Variants in ZNF430 observed in about 807,000 individuals in gnomAD.
ZNF430 encodes the protein zinc finger protein 430.
In ZNF430, 35 loss-of-function variants were observed where a neutral mutation model predicts 56.7. The ratio of observed to expected loss-of-function variants is 0.62; its 90% CI spans 0.47 to 0.82. The LOEUF is 0.82. ZNF430 is among the 40% of genes least tolerant of loss of function. ZNF430 has a pLI of 0.00. For synonymous variants in ZNF430, 212 were observed against 224.3 expected (o/e 0.94, Z 0.49); for missense variants, 574 against 661.0 (o/e 0.87, Z 1.44).
At chr19:21,023,424 T>G (rs896729865) in intron 2 of ZNF430, among the ~76,000 whole-genome samples, 30 of 152,206 alleles carry the variant, frequency 2.0e-4, no homozygotes, top group Admixed American at 2.0e-3. Context: ...TAGGAAAATA[T>G]TTACCAAAGG....
Position 21,028,633 on chromosome 19 carries a change from T to C in ZNF430, c.97-4823T>C, listed in dbSNP as rs574858299. The stretch of plus-strand genomic sequence containing the variant: ...GGCTGACAAGAGTGGTTAATTCTGC[T>C]TCTGGCTTGGTGTAAGAGAAATGAG... On this transcript the variant is annotated intron_variant, in intron 2 of 4. Coordinates refer to ENST00000261560, the MANE Select transcript of ZNF430 (RefSeq NM_025189.4). 5.3e-5 allele frequency among the ~76,000 whole-genome samples: 8 copies of C among 152,338 alleles called. No individual in the cohort carries two copies. The East Asian group carries it at 1.2e-3, about 22-fold the overall frequency.
At chr19:21,030,496 T>C (rs1332056820) in intron 2 of ZNF430, among the ~76,000 whole-genome samples, 2 of 135,064 alleles carry the variant, frequency 1.5e-5, no homozygotes, top group African/African-American at 5.3e-5. Context: ...TATGTGTACA[T>C]GTTATTTTCC....
intron 1 of ZNF430, among the ~76,000 whole-genome samples, chr19:21,021,410 A>G (rs532481875): frequency 1.3e-5 from 2 of 152,012 alleles, no homozygotes; most frequent in Non-Finnish European, 2.9e-5. Flanking sequence ...GAGGCAGGAG[A>G]ATCACTTGAA....
chr19:21,051,236 G>C (rs1968278314), intron 4 of ZNF430, among the ~76,000 whole-genome samples: 1 of 151,588 alleles, frequency 6.6e-6, no homozygotes, highest in Non-Finnish European at 1.5e-5. Context: ...GTCTCTTTTT[G>C]TGGCTGGCTC....
At position 21,057,680 on chromosome 19, in the gene ZNF430, A is replaced by C. The variant is rs1186681613; in HGVS notation, c.1372A>C (p.Lys458Gln). The C allele has an allele frequency of 6.2e-7, 1 of 1,611,360 alleles. No homozygotes were observed. The highest frequency in any genetic ancestry group is 8.5e-7 in the Non-Finnish European group (1 of 1,178,948). Residue 458 changes from lysine (K) to glutamine (Q), a missense_variant, in exon 5 of 5, where the codon AAA (lysine) becomes CAA (glutamine). Lys to Gln is a moderately conservative substitution (Grantham distance 53). Coordinates refer to ENST00000261560, the MANE Select transcript of ZNF430 (RefSeq NM_025189.4). ...KIIHTGEKPY[K>Q]CEECGKAFNR... ...AATTCATACTGGAGAGAAACCCTAC[A>C]AATGTGAAGAATGTGGCAAAGCCTT...
In ZNF430 at chr19:21,056,789, T is replaced by A. The variant is rs1273896671; in HGVS notation, c.481T>A (p.Cys161Ser). Residue 161 changes from cysteine (C) to serine (S), a missense_variant, in exon 5 of 5, where the codon TGT becomes AGT. Physicochemically the swap from Cys to Ser is moderately radical, Grantham distance 112. Coordinates refer to ENST00000261560, the MANE Select transcript of ZNF430 (RefSeq NM_025189.4). ...SVDECNLHKE[C>S]YDELNQCLTT... Reference sequence around the variant, plus strand: ...GGATGAGTGTAATCTGCACAAAGAATGTTATGATGAACTAAACCAGTGTTT... The same window carrying A: ...GGATGAGTGTAATCTGCACAAAGAAAGTTATGATGAACTAAACCAGTGTTT... 6.2e-7 allele frequency: 1 copy of A among 1,613,904 alleles called. No homozygotes were observed. The highest frequency in any genetic ancestry group is 8.5e-7 in the Non-Finnish European group (1 of 1,179,974).
At chr19:21,048,771 G>GC (rs1178445630) in intron 4 of ZNF430, among the ~76,000 whole-genome samples, 1 of 151,840 alleles carries the variant, frequency 6.6e-6, no homozygotes, top group African/African-American at 2.4e-5. Flanking sequence ...GGGCAGAGGC[G>GC]CCCCCCACCT....
At chr19:21,040,728 T>G (rs1364676802) in intron 4 of ZNF430, among the ~76,000 whole-genome samples, 1 of 152,234 alleles carries the variant, frequency 6.6e-6, no homozygotes, top group Non-Finnish European at 1.5e-5. Flanking sequence ...TATTTATTAT[T>G]GCAAATGGGA....
intron 4 of ZNF430, among the ~76,000 whole-genome samples, chr19:21,041,332 C>A (rs1968098792): frequency 6.6e-6 from 1 of 152,068 alleles, no homozygotes; most frequent in Non-Finnish European, 1.5e-5. Context: ...CAGAATTTTG[C>A]CATGTTCTCC....
intron 2 of ZNF430, chr19:21,025,930 G>T: frequency 2.4e-6 from 1 of 425,476 alleles, no homozygotes; most frequent in Non-Finnish European, 4.4e-6. Flanking sequence ...ACAGACTGAA[G>T]TTTCTGTCAT....
At chr19:21,028,770 C>T (rs1967848897) in intron 2 of ZNF430, among the ~76,000 whole-genome samples, 1 of 152,144 alleles carries the variant, frequency 6.6e-6, no homozygotes. Flanking sequence ...ACTGCAACCT[C>T]CGCCTCCCGG....
intron 2 of ZNF430, among the ~76,000 whole-genome samples, chr19:21,026,539 C>T (rs1967799877): frequency 1.3e-5 from 2 of 152,134 alleles, no homozygotes; most frequent in Admixed American, 6.5e-5. Flanking sequence ...AGGGATCTTT[C>T]ACCATTCTGA....
At chr19:21,033,107 C>T (rs1322648432) in intron 2 of ZNF430, among the ~76,000 whole-genome samples, 1 of 152,084 alleles carries the variant, frequency 6.6e-6, no homozygotes, top group Non-Finnish European at 1.5e-5. Context: ...GTAATCCCAG[C>T]ATTTTGGGAG....
rs1968440059 is a variant in ZNF430 at position 21,059,834 on chromosome 19, GAGTA to G, written c.*1816_*1819del. 6.6e-6 allele frequency: 1 copy of G among 152,056 alleles called. No individual in the cohort carries two copies. The highest frequency in any genetic ancestry group is 2.4e-5 in the African/African-American group (1 of 41,416). 9.4% of individuals were successfully genotyped at this position (152,056 alleles called of 1,614,324 possible). A position where few individuals can be genotyped will look rare whatever the true frequency, so the allele number is the denominator to read the frequency against. On this transcript the variant is annotated 3_prime_UTR_variant, in exon 5 of 5. Coordinates refer to ENST00000261560, the MANE Select transcript of ZNF430 (RefSeq NM_025189.4). ...ATTATTTATGATCTTTTCTATGAAAGAGTAAGGACATTAAAATGTAAGATGCATG... is the reference window on the plus strand; with the variant it reads ...ATTATTTATGATCTTTTCTATGAAAGAGGACATTAAAATGTAAGATGCATG...
rs769613682 is a variant in ZNF430, at chr19:21,059,673, A to AT, written c.*1658dup. On this transcript the variant is annotated 3_prime_UTR_variant, in exon 5 of 5. Coordinates refer to ENST00000261560, the MANE Select transcript of ZNF430 (RefSeq NM_025189.4). ...ACTTTATTTCTTGAAAAAATTACAGATTTTTTGTAAATAATGATGTAATTC... is the reference window on the plus strand; with the variant it reads ...ACTTTATTTCTTGAAAAAATTACAGATTTTTTTGTAAATAATGATGTAATTC... 6.6e-6 allele frequency: 1 copy of AT among 152,034 alleles called. No homozygotes were observed. The highest frequency in any genetic ancestry group is 1.5e-5 in the Non-Finnish European group (1 of 68,016). 9.4% of individuals were successfully genotyped at this position (152,034 alleles called of 1,614,324 possible). A position where few individuals can be genotyped will look rare whatever the true frequency, so the allele number is the denominator to read the frequency against.
intron 4 of ZNF430, among the ~76,000 whole-genome samples, chr19:21,043,453 T>C (rs1215649138): frequency 6.6e-6 from 1 of 152,156 alleles, no homozygotes; most frequent in Admixed American, 6.6e-5. Flanking sequence ...ATTTCTGAGT[T>C]CTGCATTCTT....
At chr19:21,031,346 A>G (rs1411530428) in intron 2 of ZNF430, among the ~76,000 whole-genome samples, 1 of 152,130 alleles carries the variant, frequency 6.6e-6, no homozygotes, top group East Asian at 1.9e-4. Flanking sequence ...GGGCTTCAAT[A>G]TACATTCATG....
intron 4 of ZNF430, among the ~76,000 whole-genome samples, chr19:21,048,164 C>CTTTTTTTTTT (rs536496163): frequency 1.3e-4 from 8 of 59,818 alleles, no homozygotes; most frequent in Admixed American, 3.1e-4. Context: ...CATAAAACAT[C>CTTTTTTTTTT]TTTTTTTTTT....
At chr19:21,028,757 C>T (rs1435805049) in intron 2 of ZNF430, among the ~76,000 whole-genome samples, 3 of 152,134 alleles carry the variant, frequency 2.0e-5, no homozygotes, top group East Asian at 1.9e-4. Flanking sequence ...GCGATCTCGG[C>T]TCACTGCAAC....
Sources: allele counts gnomAD v4.1 joint callset (sites outside exome capture counted in the v4.1 genomes callset), GRCh38; gene constraint gnomAD v4.1.1; transcripts MANE v1.5; gene names NCBI Gene and HGNC (gene_info 2026-07-23, HGNC 2026-07-21).